The following TMEM116 variants were observed in gnomAD, a reference collection of about 807,000 sequenced individuals.
The protein encoded by TMEM116 is transmembrane protein 116.
A neutral mutation model predicts 44.3 loss-of-function variants in TMEM116; 38 were observed. The ratio of observed to expected loss-of-function variants is 0.86; its 90% CI spans 0.66 to 1.12. TMEM116 has a LOEUF of 1.12. TMEM116 is among the 50% of genes most tolerant of loss of function. The pLI is 0.00. For synonymous variants in TMEM116, 132 were observed against 144.8 expected (o/e 0.91, Z 0.64); for missense variants, 354 against 401.7 (o/e 0.88, Z 1.01).
chr12:111,958,731 T>C (rs2074351889), intron 4 of TMEM116, among the ~76,000 whole-genome samples: 1 of 151,388 alleles, frequency 6.6e-6, no homozygotes, highest in South Asian at 2.1e-4. Flanking sequence ...ATCAATCAAG[T>C]GGAAGAAAGG....
At chr12:111,983,136 T>C (rs933102533) in intron 4 of TMEM116, among the ~76,000 whole-genome samples, 15 of 145,548 alleles carry the variant, frequency 1.0e-4, no homozygotes, top group Non-Finnish European at 1.4e-4. Flanking sequence ...TCTATCTCTC[T>C]AAAAAAAAAA....
intron 3 of TMEM116, among the ~76,000 whole-genome samples, chr12:112,001,759 T>C (rs1469043182): frequency 6.6e-6 from 1 of 152,236 alleles, no homozygotes; most frequent in African/African-American, 2.4e-5. Context: ...ACAAGATGTT[T>C]GACTTAAAAT....
At chr12:111,978,760 T>G (rs1462470497) in intron 4 of TMEM116, 2 of 444,848 alleles carry the variant, frequency 4.5e-6, no homozygotes, top group African/African-American at 2.0e-5. Flanking sequence ...GCTGATTATC[T>G]TAATCTTGGA....
At chr12:111,962,128 CAAG>C (rs1474368644) in intron 4 of TMEM116, among the ~76,000 whole-genome samples, 2 of 152,108 alleles carry the variant, frequency 1.3e-5, no homozygotes, top group African/African-American at 2.4e-5. Context: ...AGGACCTCTT[CAAG>C]AAGAACTACA....
At chr12:111,961,901 G>C (rs1233508116) in intron 4 of TMEM116, among the ~76,000 whole-genome samples, 1 of 152,204 alleles carries the variant, frequency 6.6e-6, no homozygotes, top group Non-Finnish European at 1.5e-5. Context: ...CAGATGACAT[G>C]ATTGTATATT....
At chr12:111,991,955 G>A in intron 3 of TMEM116, 66 bp from the exon 4 acceptor site, 1 of 1,444,212 alleles carries the variant, frequency 6.9e-7, no homozygotes, top group Non-Finnish European at 9.2e-7. Context: ...CAATGTAACA[G>A]TTCTTACATT....
intron 4 of TMEM116, among the ~76,000 whole-genome samples, chr12:111,984,968 AC>A (rs567227376): frequency 4.0e-4 from 61 of 152,274 alleles, no homozygotes; most frequent in African/African-American, 1.4e-3. Flanking sequence ...AAATAAAAAA[AC>A]ATAATAAAGT....
rs759583297 is a variant in TMEM116 at position 111,940,523 on chromosome 12, G to GTATATATATATA, written c.316-2325_316-2314dup. ...CATATATATACACACATATATATGTGTATATATATATATATATATATACAC... is the reference window on the plus strand; with the variant it reads ...CATATATATACACACATATATATGTGTATATATATATATATATATATATATATATATATACAC... On this transcript the variant is annotated intron_variant, in intron 5 of 10. Coordinates refer to ENST00000552374, the MANE Select transcript of TMEM116 (RefSeq NM_001193531.2). Among the ~76,000 whole-genome samples the GTATATATATATA allele has an allele frequency of 1.1e-3, 118 of 104,900 alleles. 2 individuals are homozygous for GTATATATATATA. The East Asian group carries it at 0.013, about 11-fold the overall frequency. The allele number at this position is 104,900 out of a possible 152,430, so 68.8% of individuals were successfully genotyped here. A position where few individuals can be genotyped will look rare whatever the true frequency, so the allele number is the denominator to read the frequency against.
chr12:111,963,176 G>A (rs1005625490), intron 4 of TMEM116, among the ~76,000 whole-genome samples: 4 of 152,206 alleles, frequency 2.6e-5, no homozygotes, highest in Non-Finnish European at 5.9e-5. Context: ...TACTGGAGAG[G>A]ATGTGGAGAA....
At chr12:111,991,386 C>T (rs1335183305) in intron 4 of TMEM116, among the ~76,000 whole-genome samples, 3 of 142,542 alleles carry the variant, frequency 2.1e-5, no homozygotes, top group Non-Finnish European at 3.1e-5. Context: ...TAGTCGGGCG[C>T]GGTGGTGGGC....
At chr12:112,003,454 G>C (rs1256868223) in intron 3 of TMEM116, 1 of 172,640 alleles carries the variant, frequency 5.8e-6, no homozygotes, top group African/African-American at 2.4e-5. Flanking sequence ...TGTAGTCCCA[G>C]CTACTCGGGA....
chr12:111,942,420 C>A (rs2072912130), intron 5 of TMEM116, among the ~76,000 whole-genome samples: 1 of 151,930 alleles, frequency 6.6e-6, no homozygotes, highest in Admixed American at 6.6e-5. Flanking sequence ...CTACAGGCGC[C>A]CGCCACCACG....
chr12:111,934,041 G>C lies in TMEM116; in HGVS notation c.589-11C>G. On this transcript the variant is annotated splice_polypyrimidine_tract_variant and intron_variant, in intron 8 of 10. Transcript: ENST00000552374. ...TCGGATAAGTAAGACCTAAATATGA[G>C]TACAGCAGTGAGCAGTTTGCTTAAA... is the stretch of plus-strand genomic sequence containing the variant. 1 of 1,613,732 alleles carries C rather than the reference G, an allele frequency of 6.2e-7. No homozygotes were observed. The highest frequency in any genetic ancestry group is 8.5e-7 in the Non-Finnish European group (1 of 1,179,788).
chr12:111,937,385 T>C, intron 6 of TMEM116, 142 bp from the exon 7 acceptor site: 1 of 657,238 alleles, frequency 1.5e-6, no homozygotes, highest in Admixed American at 2.6e-5. Flanking sequence ...TCAAGAAAAA[T>C]ACCTCAAATA....
chr12:111,939,746 T>G (rs2072518393), intron 5 of TMEM116, among the ~76,000 whole-genome samples: 1 of 151,754 alleles, frequency 6.6e-6, no homozygotes, highest in East Asian at 1.9e-4. Flanking sequence ...GAGGATCACT[T>G]GGGCCCAGGA....
intron 4 of TMEM116, among the ~76,000 whole-genome samples, chr12:111,973,660 C>A (rs899823112): frequency 6.6e-6 from 1 of 152,094 alleles, no homozygotes; most frequent in East Asian, 1.9e-4. Flanking sequence ...AAGATCAAAG[C>A]GGAAATCAAG....
rs1039179381 is a variant in TMEM116, at chr12:111,990,323, T to C, written c.210+1435A>G. Among the ~76,000 whole-genome samples, 3 of 151,734 alleles carry C rather than the reference T, an allele frequency of 2.0e-5. No homozygotes were observed. The South Asian group carries it at 6.2e-4, about 32-fold the overall frequency. On this transcript the variant is annotated intron_variant, in intron 4 of 10. Coordinates refer to ENST00000552374, the MANE Select transcript of TMEM116 (RefSeq NM_001193531.2). ...ACAAAGTAAATATTATTAATGAACA[T>C]TTTACAGATTAGGAGATTGAAGTTC...
chr12:112,009,522 G>T (rs1398972388), intron 1 of TMEM116, among the ~76,000 whole-genome samples: 1 of 142,664 alleles, frequency 7.0e-6, no homozygotes, highest in African/African-American at 2.7e-5. Flanking sequence ...TGCTAAATCA[G>T]CATGGGTTTA....
chr12:111,973,075 C>G (rs959710997), intron 4 of TMEM116, among the ~76,000 whole-genome samples: 3 of 151,788 alleles, frequency 2.0e-5, no homozygotes, highest in African/African-American at 7.3e-5. Context: ...GAGGTGGAGG[C>G]TGCAGTGAGC....
Sources: allele counts gnomAD v4.1 joint callset (sites outside exome capture counted in the v4.1 genomes callset), GRCh38; gene constraint gnomAD v4.1.1; transcripts MANE v1.5; gene names NCBI Gene and HGNC (gene_info 2026-07-23, HGNC 2026-07-21).